Variants in RUNX1 observed in about 807,000 individuals in gnomAD.
RUNX1 encodes the protein RUNX family transcription factor 1, also known as runt-related transcription factor 1.
Under a neutral mutation model 42.8 loss-of-function variants are expected in RUNX1, and 19 were observed. That is an observed-to-expected ratio of 0.44 (90% CI 0.31 to 0.65). RUNX1 has a LOEUF of 0.65. RUNX1 is among the 30% of genes least tolerant of loss of function. The probability of loss-of-function intolerance (pLI) is 0.07; values close to 1 mark genes in which losing one functional copy is unlikely to be tolerated. For missense variants in RUNX1, 528 were observed against 672.0 expected, an observed-to-expected ratio of 0.79 and a Z score of 2.37; for synonymous variants, 271 against 289.4, an observed-to-expected ratio of 0.94 and a Z score of 0.64.
chr21:35,024,038 T>C (rs2059218739), intron 2 of RUNX1, among the ~76,000 whole-genome samples: 1 of 151,944 alleles, frequency 6.6e-6, no homozygotes, highest in Non-Finnish European at 1.5e-5. Context: ...CAAATAAATA[T>C]TTAGCCTGGC....
At chr21:34,894,586 GA>G (rs1881598246) in intron 2 of RUNX1, among the ~76,000 whole-genome samples, 1 of 152,056 alleles carries the variant, frequency 6.6e-6, no homozygotes, top group South Asian at 2.1e-4. Flanking sequence ...AAAGATGCCA[GA>G]ACCCAAACTG....
rs370630218 is a variant in RUNX1 at position 34,821,759 on chromosome 21, G to A, written c.805+12651C>T. ...AATAAGGACAATTCTTTATAGAGCC[G>A]CGAATGCATTCCCCTCCCCTACCCC... On this transcript the variant is annotated intron_variant, in intron 7 of 8. Transcript: ENST00000675419. The A allele has an allele frequency of 9.8e-4, 1,411 of 1,438,006 alleles. 2 individuals carry two copies. Among genetic ancestry groups the A allele is most frequent in the South Asian group, 1.3e-3 (95 of 75,154 alleles). The allele number at this position is 1,438,006 out of a possible 1,614,324, so 89.1% of individuals were successfully genotyped here.
At chr21:34,885,782 G>C (rs567347064) in intron 4 of RUNX1, among the ~76,000 whole-genome samples, 2 of 152,122 alleles carry the variant, frequency 1.3e-5, no homozygotes, top group African/African-American at 2.4e-5. Flanking sequence ...TTTACACTTG[G>C]AACCACCTGC....
chr21:34,875,000 A>C (rs886183084), intron 5 of RUNX1, among the ~76,000 whole-genome samples: 3 of 152,216 alleles, frequency 2.0e-5, no homozygotes, highest in African/African-American at 7.2e-5. Flanking sequence ...GGGTGGGTGG[A>C]GAGAAGTACA....
chr21:34,950,763 T>C (rs2058601246), intron 2 of RUNX1, among the ~76,000 whole-genome samples: 1 of 152,252 alleles, frequency 6.6e-6, no homozygotes, highest in Admixed American at 6.5e-5. Flanking sequence ...AGTTAGGTGA[T>C]GACTTAGTTA....
At chr21:34,874,412 C>T (rs980067030) in intron 5 of RUNX1, among the ~76,000 whole-genome samples, 1 of 151,252 alleles carries the variant, frequency 6.6e-6, no homozygotes, top group African/African-American at 2.4e-5. Flanking sequence ...GAGTTCAAGA[C>T]CAGCCCAGTC....
chr21:35,036,095 G>A (rs1420797955), intron 2 of RUNX1, among the ~76,000 whole-genome samples: 1 of 152,144 alleles, frequency 6.6e-6, no homozygotes. Flanking sequence ...GCAGGGAGCA[G>A]GTGGGCCACC....
chr21:34,880,999 A>G (rs543647740), intron 4 of RUNX1, among the ~76,000 whole-genome samples: 1 of 152,364 alleles, frequency 6.6e-6, no homozygotes, highest in East Asian at 1.9e-4. Context: ...ATGTATAACT[A>G]TATGTAAATT....
chr21:34,965,726 C>G (rs941720769), intron 2 of RUNX1, among the ~76,000 whole-genome samples: 3 of 151,908 alleles, frequency 2.0e-5, no homozygotes, highest in African/African-American at 7.3e-5. Flanking sequence ...ACACAGAGCA[C>G]ACACACACAC....
chr21:34,949,260 A>AATATC (rs1479948446), intron 2 of RUNX1, among the ~76,000 whole-genome samples: 1 of 152,256 alleles, frequency 6.6e-6, no homozygotes. Context: ...TCAGTAGAGC[A>AATATC]AGTTGTTTAA....
At chr21:34,985,712 A>G (rs1009487336) in intron 2 of RUNX1, among the ~76,000 whole-genome samples, 2 of 152,052 alleles carry the variant, frequency 1.3e-5, no homozygotes, top group African/African-American at 4.8e-5. Flanking sequence ...AATGGGGTAC[A>G]CACCTATTTT....
chr21:34,884,944 C>T (rs1302131589), intron 4 of RUNX1, among the ~76,000 whole-genome samples: 2 of 152,164 alleles, frequency 1.3e-5, no homozygotes, highest in Non-Finnish European at 2.9e-5. Context: ...AAAGGAAACT[C>T]TATGGTTATT....
chr21:34,941,848 G>A (rs1481745283), intron 2 of RUNX1, among the ~76,000 whole-genome samples: 1 of 146,498 alleles, frequency 6.8e-6, no homozygotes, highest in Admixed American at 6.8e-5. Context: ...TTTTTTTGAA[G>A]GTTGGAAGAT....
At chr21:34,844,676 C>T (rs1014673137) in intron 6 of RUNX1, among the ~76,000 whole-genome samples, 3 of 152,204 alleles carry the variant, frequency 2.0e-5, no homozygotes, top group Non-Finnish European at 2.9e-5. Flanking sequence ...GGAGGATGAT[C>T]TCTCCTCCTC....
Position 34,880,552 on chromosome 21 carries a change from C to T in RUNX1, c.508+5G>A, listed in dbSNP as rs749241143. ...TTTCAAGCATAGTTTTGACAGATAA[C>T]GTACCTCTTCCACTTCGACCGACAA... On this transcript the variant is annotated splice_donor_5th_base_variant and intron_variant, in intron 5 of 8. Transcript: ENST00000675419. 8 of 1,613,914 alleles carry T rather than the reference C, an allele frequency of 5.0e-6. No individual in the cohort carries two copies. Among genetic ancestry groups the T allele is most frequent in the East Asian group, 2.2e-5 (1 of 44,880 alleles).
At chr21:34,979,259 T>C (rs1202480878) in intron 2 of RUNX1, among the ~76,000 whole-genome samples, 2 of 152,158 alleles carry the variant, frequency 1.3e-5, no homozygotes, top group Non-Finnish European at 2.9e-5. Context: ...TGCTCCAAGA[T>C]ATGCCTCAAG....
intron 6 of RUNX1, among the ~76,000 whole-genome samples, chr21:34,837,639 T>C (rs1222205627): frequency 6.6e-6 from 1 of 152,202 alleles, no homozygotes. Flanking sequence ...ATGTCTACTA[T>C]CCAATTCACT....
intron 2 of RUNX1, among the ~76,000 whole-genome samples, chr21:35,013,923 A>C (rs564389412): frequency 1.5e-4 from 23 of 152,356 alleles, no homozygotes; most frequent in African/African-American, 5.5e-4. Flanking sequence ...TTAATGAATA[A>C]AATATATTCA....
intron 6 of RUNX1, among the ~76,000 whole-genome samples, chr21:34,851,622 A>T (rs760368188): frequency 6.6e-6 from 1 of 152,184 alleles, no homozygotes; most frequent in Non-Finnish European, 1.5e-5. Flanking sequence ...CATACAATGA[A>T]TTCTAACAAG....
Sources: allele counts gnomAD v4.1 joint callset (sites outside exome capture counted in the v4.1 genomes callset), GRCh38; gene constraint gnomAD v4.1.1; transcripts MANE v1.5; gene names NCBI Gene and HGNC (gene_info 2026-07-23, HGNC 2026-07-21).